Variants in RUBCNL observed in about 807,000 individuals in gnomAD.
RUBCNL encodes the protein rubicon like autophagy enhancer, also known as protein associated with UVRAG as autophagy enhancer.
RUBCNL carries 62 observed loss-of-function variants against 69.5 expected under a neutral mutation model. That is an observed-to-expected ratio of 0.89 (90% CI 0.73 to 1.10). The LOEUF (loss-of-function observed/expected upper bound fraction) is 1.10. Ranked by LOEUF, RUBCNL falls within the 50% of genes least tolerant of loss-of-function variation. The probability of loss-of-function intolerance (pLI) is 0.00; values close to 1 mark genes in which losing one functional copy is unlikely to be tolerated. For missense variants in RUBCNL, 768 were observed against 798.1 expected (o/e 0.96, Z 0.45); for synonymous variants, 291 against 303.6 (o/e 0.96, Z 0.43).
In RUBCNL at chr13:46,362,923, C is replaced by CATATATATATATATATATAT. The variant is rs770827606; in HGVS notation, c.925+191_925+192insATATATATATATATATATAT. On this transcript the variant is annotated intron_variant, in intron 6 of 14. Coordinates refer to ENST00000429979, the MANE Select transcript of RUBCNL (RefSeq NM_025113.5). ...ATCCAGACATTTGAAACAAGAACATCATATATATATATATAGATATATATA... is the reference window on the plus strand; with the variant it reads ...ATCCAGACATTTGAAACAAGAACATCATATATATATATATATATATATATATATATATATAGATATATATA... Among the ~76,000 whole-genome samples, 22 of 88,048 alleles carry CATATATATATATATATATAT rather than the reference C, an allele frequency of 2.5e-4. 2 individuals carry two copies. The highest frequency in any genetic ancestry group is 6.2e-3 in the Middle Eastern group (1 of 162). 57.8% of individuals were successfully genotyped at this position (88,048 alleles called of 152,430 possible).
chr13:46,351,618 C>G (rs2048370066), intron 10 of RUBCNL, among the ~76,000 whole-genome samples: 1 of 152,118 alleles, frequency 6.6e-6, no homozygotes, highest in East Asian at 1.9e-4. Flanking sequence ...GTGCACTCAA[C>G]ATGAAATGCT....
intron 8 of RUBCNL, among the ~76,000 whole-genome samples, chr13:46,361,166 A>G (rs1594154558): frequency 6.6e-6 from 1 of 152,348 alleles, no homozygotes; most frequent in East Asian, 1.9e-4. Context: ...CGGAGGTTGC[A>G]GTGAGCTGAG....
At chr13:46,388,331 T>G (rs1293248813), upstream of RUBCNL, among the ~76,000 whole-genome samples, 4 of 117,766 alleles carry the variant, frequency 3.4e-5, no homozygotes, top group Non-Finnish European at 5.0e-5. Context: ...GGAAGGAACC[T>G]AAGCCAAGGA....
Position 46,336,429 on chromosome 13 carries a change from T to G in RUBCNL, c.*6956A>C, listed in dbSNP as rs1028941942. ...TAGTTTAAATGATCTATCATTTATT[T>G]AAAATGATATCTAGTCTATATGGTA... On this transcript the variant is annotated 3_prime_UTR_variant, in exon 15 of 15. Coordinates refer to ENST00000429979, the MANE Select transcript of RUBCNL (RefSeq NM_025113.5). Among the ~76,000 whole-genome samples the G allele has an allele frequency of 2.0e-5, 3 of 152,192 alleles. No homozygotes were observed. The highest frequency in any genetic ancestry group is 4.4e-5 in the Non-Finnish European group (3 of 68,046).
At chr13:46,388,199 C>CAA (rs71074779), upstream of RUBCNL, among the ~76,000 whole-genome samples, 14,514 of 67,890 alleles carry the variant, frequency 0.21, 2,754 homozygotes, top group Middle Eastern at 0.26. Context: ...GCAAGACTGT[C>CAA]AAAAAAAAAA....
At chr13:46,353,728 G>T (rs2048421598) in intron 10 of RUBCNL, among the ~76,000 whole-genome samples, 1 of 152,206 alleles carries the variant, frequency 6.6e-6, no homozygotes, top group African/African-American at 2.4e-5. Context: ...TCAGCATCAG[G>T]GGGTTGGGTG....
chr13:46,363,825 C>A (rs553678606), intron 5 of RUBCNL, among the ~76,000 whole-genome samples: 11 of 150,416 alleles, frequency 7.3e-5, no homozygotes, highest in Non-Finnish European at 1.3e-4. Flanking sequence ...CATGCCACTG[C>A]ACTCCAGCCT....
In RUBCNL at chr13:46,334,833, T is replaced by C. The variant is rs765387101; in HGVS notation, c.*8552A>G. Reference sequence around the variant, plus strand: ...ATAGGAAACCGGAGTCTTAAGAAATTTGAGCAACTTATCACAAATCACAGG... The same window carrying C: ...ATAGGAAACCGGAGTCTTAAGAAATCTGAGCAACTTATCACAAATCACAGG... On this transcript the variant is annotated 3_prime_UTR_variant, in exon 15 of 15. Transcript: ENST00000429979. Among the ~76,000 whole-genome samples the C allele has an allele frequency of 3.3e-5, 5 of 152,148 alleles. No homozygotes were observed. Among genetic ancestry groups the C allele is most frequent in the Non-Finnish European group, 7.3e-5 (5 of 68,030 alleles).
chr13:46,362,961 T>G (rs538882464), intron 6 of RUBCNL, among the ~76,000 whole-genome samples, 154 bp downstream of exon 6: 2 of 125,540 alleles, frequency 1.6e-5, no homozygotes, highest in Non-Finnish European at 3.3e-5. Flanking sequence ...TATATATATA[T>G]ATATATATAT....
In RUBCNL at chr13:46,339,011, C is replaced by G. The variant is rs1244029304; in HGVS notation, c.*4374G>C. On this transcript the variant is annotated 3_prime_UTR_variant, in exon 15 of 15. Transcript: ENST00000429979. ...CAGTGAACTGAGATCACGCCAACTG[C>G]ACTCCAGCCTGGGCGACAGAGCGAG... 2.0e-5 allele frequency among the ~76,000 whole-genome samples: 3 copies of G among 150,552 alleles called. No homozygotes were observed. Among genetic ancestry groups the G allele is most frequent in the African/African-American group, 7.4e-5 (3 of 40,654 alleles).
chr13:46,370,423 C>T (rs891629736), intron 3 of RUBCNL, among the ~76,000 whole-genome samples: 2 of 152,216 alleles, frequency 1.3e-5, no homozygotes, highest in Admixed American at 6.5e-5. Context: ...GGAATGTCCA[C>T]ATCTTAGTGG....
At chr13:46,356,112 T>C (rs1220714925) in intron 10 of RUBCNL, among the ~76,000 whole-genome samples, 1 of 151,806 alleles carries the variant, frequency 6.6e-6, no homozygotes, top group Non-Finnish European at 1.5e-5. Context: ...GAGAGAGCAT[T>C]TGGGGGAGAG....
chr13:46,383,435 T>C (rs2049164914), intron 1 of RUBCNL, among the ~76,000 whole-genome samples: 2 of 152,224 alleles, frequency 1.3e-5, no homozygotes, highest in South Asian at 2.1e-4. Flanking sequence ...ACAGCATTCA[T>C]CTTCTGACAC....
chr13:46,351,580 T>C (rs2048369016), intron 10 of RUBCNL, among the ~76,000 whole-genome samples: 1 of 152,098 alleles, frequency 6.6e-6, no homozygotes, highest in Admixed American at 6.6e-5. Context: ...AAAATGTCCA[T>C]CAAAAGGCAA....
chr13:46,354,246 T>C (rs2048434058), intron 10 of RUBCNL, among the ~76,000 whole-genome samples: 1 of 152,156 alleles, frequency 6.6e-6, no homozygotes, highest in African/African-American at 2.4e-5. Context: ...TAAAGGATGT[T>C]ACTGAAAACC....
chr13:46,364,515 T>C (rs2048705135), intron 5 of RUBCNL, among the ~76,000 whole-genome samples: 2 of 152,124 alleles, frequency 1.3e-5, no homozygotes, highest in Non-Finnish European at 2.9e-5. Flanking sequence ...TCCTCATGGA[T>C]AGAATGGGGG....
At chr13:46,346,096 T>G (rs2048240154) in intron 12 of RUBCNL, among the ~76,000 whole-genome samples, 1 of 152,222 alleles carries the variant, frequency 6.6e-6, no homozygotes, top group South Asian at 2.1e-4. Flanking sequence ...TTAAGGCTCA[T>G]GCAGCCAACT....
rs1243631468 is a variant in RUBCNL at position 46,339,339 on chromosome 13, T to C, written c.*4046A>G. Reference sequence around the variant, plus strand: ...TTAAAGACAGAGATCCTTAAATGCTTGTTTTAAGGAAGCACGCTTCTAAAA... The same window carrying C: ...TTAAAGACAGAGATCCTTAAATGCTCGTTTTAAGGAAGCACGCTTCTAAAA... On this transcript the variant is annotated 3_prime_UTR_variant, in exon 15 of 15. Transcript: ENST00000429979. Among the ~76,000 whole-genome samples, 1 of 152,206 alleles carries C rather than the reference T, an allele frequency of 6.6e-6. No homozygotes were observed. The highest frequency in any genetic ancestry group is 1.5e-5 in the Non-Finnish European group (1 of 68,032).
intron 9 of RUBCNL, among the ~76,000 whole-genome samples, chr13:46,358,530 A>T (rs2048540442): frequency 1.3e-5 from 2 of 152,146 alleles, no homozygotes; most frequent in Admixed American, 1.3e-4. Context: ...GAGAACAAAC[A>T]TATTTTTATT....
Sources: gnomAD v4.1 joint callset for allele counts (sites outside exome capture counted in the v4.1 genomes callset) on GRCh38, gnomAD v4.1.1 for gene constraint, MANE v1.5 for transcripts, NCBI Gene and HGNC (gene_info 2026-07-23, HGNC 2026-07-21) for gene names.